The following PAWR variants were observed in gnomAD, a reference collection of about 807,000 sequenced individuals.
PAWR encodes pro-apoptotic WT1 regulator, also known as PRKC apoptosis WT1 regulator protein.
A neutral mutation model predicts 32.0 loss-of-function variants in PAWR; 23 were observed. The observed-to-expected ratio is 0.72, with a 90% CI of 0.52 to 1.02. The LOEUF is 1.02. Ranked by LOEUF, PAWR falls within the 50% of genes least tolerant of loss-of-function variation. The pLI, the probability that PAWR is intolerant of heterozygous loss-of-function variation, is 0.00. For missense variants in PAWR, 457 were observed against 437.7 expected (o/e 1.04, Z -0.39); for synonymous variants, 226 against 187.1 (o/e 1.21, Z -1.70).
chr12:79,647,032 G>A (rs951790057), intron 2 of PAWR, among the ~76,000 whole-genome samples: 1 of 151,918 alleles, frequency 6.6e-6, no homozygotes, highest in South Asian at 2.1e-4. Flanking sequence ...AAAATTAGCT[G>A]GGTGTGGTGG....
At chr12:79,623,354 A>G (rs577602695) in intron 2 of PAWR, among the ~76,000 whole-genome samples, 18 of 152,322 alleles carry the variant, frequency 1.2e-4, no homozygotes, top group Non-Finnish European at 2.1e-4. Flanking sequence ...CAAGACATTG[A>G]TGTCCACTAT....
At chr12:79,661,967 G>A (rs1437571336) in intron 2 of PAWR, among the ~76,000 whole-genome samples, 5 of 151,928 alleles carry the variant, frequency 3.3e-5, no homozygotes, top group Non-Finnish European at 7.4e-5. Flanking sequence ...TTTAATAAAT[G>A]ATAAAAAAAG....
In PAWR at chr12:79,690,384, C is replaced by T. The variant is rs1878953534; in HGVS notation, c.-140G>A. 1.5e-6 allele frequency: 2 copies of T among 1,345,596 alleles called. No individual in the cohort carries two copies. The highest frequency in any genetic ancestry group is 9.5e-7 in the Non-Finnish European group (1 of 1,053,108). The allele number at this position is 1,345,596 out of a possible 1,614,324, so 83.4% of individuals were successfully genotyped here. A position where few individuals can be genotyped will look rare whatever the true frequency, so the allele number is the denominator to read the frequency against. ...GGACGGCCGCCGCTCCCACAGCAGC[C>T]GGCGGGGCTGAGGTGAAAGACAAAA... On this transcript the variant is annotated 5_prime_UTR_variant, in exon 2 of 7. Transcript: ENST00000328827.
Position 79,690,245 on chromosome 12 carries a change from A to G in PAWR, c.-1T>C, listed in dbSNP as rs777044575. The G allele has an allele frequency of 2.0e-6, 3 of 1,507,972 alleles. No homozygotes were observed. In the African/African-American group the frequency reaches 4.3e-5, roughly 22 times the overall value. The allele number at this position is 1,507,972 out of a possible 1,614,324, so 93.4% of individuals were successfully genotyped here. The stretch of plus-strand genomic sequence containing the variant: ...TGGTCCGGTAGCCACCGGTCGCCAT[A>G]TTCCCAAAGGGGCCGGTCGGGCTCT... On this transcript the variant is annotated 5_prime_UTR_variant, in exon 2 of 7. Transcript: ENST00000328827.
At chr12:79,686,465 T>C (rs1199092862) in intron 2 of PAWR, among the ~76,000 whole-genome samples, 3 of 152,194 alleles carry the variant, frequency 2.0e-5, no homozygotes, top group Non-Finnish European at 4.4e-5. Context: ...GACTCACATT[T>C]GAATCAAATG....
intron 2 of PAWR, among the ~76,000 whole-genome samples, chr12:79,639,116 T>G (rs778278913): frequency 3.3e-5 from 5 of 150,324 alleles, no homozygotes; most frequent in Admixed American, 6.6e-5. Flanking sequence ...TTTCACCATG[T>G]TGGTCAGGCT....
At chr12:79,681,851 G>C (rs943322659) in intron 2 of PAWR, among the ~76,000 whole-genome samples, 1 of 152,002 alleles carries the variant, frequency 6.6e-6, no homozygotes, top group African/African-American at 2.4e-5. Flanking sequence ...TAATACAATC[G>C]TACTTTTTAT....
chr12:79,616,201 T>A (rs1444329248), intron 3 of PAWR, among the ~76,000 whole-genome samples: 2 of 152,096 alleles, frequency 1.3e-5, no homozygotes, highest in East Asian at 3.9e-4. Context: ...TGACTACACA[T>A]GCATGAGAAA....
intron 2 of PAWR, among the ~76,000 whole-genome samples, chr12:79,672,703 T>C (rs1395269324): frequency 6.6e-6 from 1 of 151,830 alleles, no homozygotes; most frequent in Non-Finnish European, 1.5e-5. Flanking sequence ...GAATCAGTTT[T>C]ATTAACTTGA....
intron 4 of PAWR, among the ~76,000 whole-genome samples, chr12:79,612,658 A>AT (rs1453502481): frequency 2.6e-5 from 4 of 152,174 alleles, no homozygotes; most frequent in African/African-American, 9.7e-5. Context: ...TAAGATAATC[A>AT]TGAGAATTGA....
At chr12:79,675,205 T>C (rs1878103577) in intron 2 of PAWR, among the ~76,000 whole-genome samples, 1 of 151,998 alleles carries the variant, frequency 6.6e-6, no homozygotes, top group African/African-American at 2.4e-5. Flanking sequence ...GGCAAAACCC[T>C]GTCTCTACTA....
At chr12:79,632,829 A>T (rs1446607005) in intron 2 of PAWR, among the ~76,000 whole-genome samples, 3 of 152,120 alleles carry the variant, frequency 2.0e-5, no homozygotes, top group Admixed American at 6.6e-5. Context: ...AGTTACAAAA[A>T]TAAGCTCAAA....
intron 2 of PAWR, among the ~76,000 whole-genome samples, chr12:79,648,553 C>T (rs926902189): frequency 2.1e-5 from 3 of 144,362 alleles, no homozygotes; most frequent in Non-Finnish European, 4.5e-5. Flanking sequence ...GAGACCAAGG[C>T]GGGGGGATCG....
rs1873413716 is a variant in PAWR at position 79,587,372 on chromosome 12, C to T, written c.*5235G>A. The T allele has an allele frequency of 6.6e-6, 1 of 152,014 alleles. No homozygotes were observed. Among genetic ancestry groups the T allele is most frequent in the South Asian group, 2.1e-4 (1 of 4,830 alleles). The allele number at this position is 152,014 out of a possible 1,614,324, so 9.4% of individuals were successfully genotyped here. A position where few individuals can be genotyped will look rare whatever the true frequency, so the allele number is the denominator to read the frequency against. On this transcript the variant is annotated 3_prime_UTR_variant, in exon 7 of 7. Coordinates refer to ENST00000328827, the MANE Select transcript of PAWR (RefSeq NM_002583.4). ...GACAAAAGGTTATGTAAACCATTTA[C>T]TAAAAAAGTCTAAATTTTTATATTC...
intron 2 of PAWR, among the ~76,000 whole-genome samples, chr12:79,685,421 T>C (rs1878637748): frequency 6.6e-6 from 1 of 152,228 alleles, no homozygotes; most frequent in South Asian, 2.1e-4. Flanking sequence ...TTGTCCTATA[T>C]ATAATGTTCA....
chr12:79,612,097 C>G (rs1874464753), intron 4 of PAWR, among the ~76,000 whole-genome samples: 2 of 152,208 alleles, frequency 1.3e-5, no homozygotes, highest in Non-Finnish European at 2.9e-5. Context: ...GGTATGGGAA[C>G]AGGCCACATC....
chr12:79,688,231 A>G (rs1167379600), intron 2 of PAWR: 1 of 152,028 alleles, frequency 6.6e-6, no homozygotes, highest in Non-Finnish European at 1.5e-5. Flanking sequence ...CTTGTTTAAA[A>G]AAAAAAAAAG....
intron 4 of PAWR, among the ~76,000 whole-genome samples, chr12:79,599,622 T>C (rs906241858): frequency 2.6e-5 from 4 of 152,234 alleles, no homozygotes; most frequent in Non-Finnish European, 5.9e-5. Flanking sequence ...TGTTACTTCC[T>C]ATGTTAGCAA....
At chr12:79,593,793 C>T (rs571092074) in intron 6 of PAWR, among the ~76,000 whole-genome samples, 3 of 149,446 alleles carry the variant, frequency 2.0e-5, no homozygotes, top group African/African-American at 7.4e-5. Context: ...ACCTCCGCCT[C>T]CTGGGATCAA....
Sources: allele counts gnomAD v4.1 joint callset (sites outside exome capture counted in the v4.1 genomes callset), GRCh38; gene constraint gnomAD v4.1.1; transcripts MANE v1.5; gene names NCBI Gene and HGNC (gene_info 2026-07-23, HGNC 2026-07-21).